ARSB: variants seen among roughly 807,000 people sequenced by gnomAD.
ARSB encodes arylsulfatase B, also known as N-acetylgalactosamine-4-sulfatase.
A neutral mutation model predicts 50.9 loss-of-function variants in ARSB; 41 were observed. The observed-to-expected ratio is 0.81, with a 90% confidence interval of 0.63 to 1.04. The LOEUF (loss-of-function observed/expected upper bound fraction) is 1.04, where lower values mean the gene tolerates loss of function less well. ARSB is among the 50% of genes least tolerant of loss of function. ARSB has a pLI of 0.00. For synonymous variants in ARSB, 269 were observed against 284.8 expected (o/e 0.94, Z 0.56); for missense variants, 672 against 693.3 (o/e 0.97, Z 0.35).
chr5:78,974,880 T>C (rs1349834214), intron 1 of ARSB, among the ~76,000 whole-genome samples: 1 of 152,188 alleles, frequency 6.6e-6, no homozygotes, highest in Non-Finnish European at 1.5e-5. Context: ...TGCTGTGCTT[T>C]AGTGAGGCCA....
chr5:78,786,332 T>A (rs1014875168), intron 6 of ARSB, among the ~76,000 whole-genome samples: 1 of 152,254 alleles, frequency 6.6e-6, no homozygotes, highest in Non-Finnish European at 1.5e-5. Context: ...CAGTACTTCA[T>A]TCTTTTTAAA....
chr5:78,839,273 G>T, intron 6 of ARSB, 83 bp downstream of exon 6: 2 of 1,334,968 alleles, frequency 1.5e-6, no homozygotes, highest in Non-Finnish European at 2.2e-6. Context: ...AAAAGAGAAA[G>T]CTAGGCTAGA....
chr5:78,791,680 G>T (rs1409790535), intron 6 of ARSB, among the ~76,000 whole-genome samples: 1 of 152,238 alleles, frequency 6.6e-6, no homozygotes, highest in Non-Finnish European at 1.5e-5. Flanking sequence ...TGTGGTAAGG[G>T]CTTACATATC....
chr5:78,918,549 G>GCACACA (rs71001139), intron 4 of ARSB, among the ~76,000 whole-genome samples: 5 of 150,006 alleles, frequency 3.3e-5, no homozygotes, highest in African/African-American at 9.8e-5. Flanking sequence ...AATATCATGT[G>GCACACA]CACACACACA....
intron 6 of ARSB, among the ~76,000 whole-genome samples, chr5:78,803,772 G>A (rs1743474896): frequency 6.6e-6 from 1 of 152,262 alleles, no homozygotes; most frequent in Non-Finnish European, 1.5e-5. Context: ...ATGGGATATA[G>A]TAATGTATTC....
intron 5 of ARSB, among the ~76,000 whole-genome samples, chr5:78,844,675 C>G (rs1340211927): frequency 2.6e-5 from 4 of 152,042 alleles, no homozygotes; most frequent in Non-Finnish European, 5.9e-5. Context: ...ACATTTAGGT[C>G]TATGATCCAT....
chr5:78,887,263 G>A (rs1748082317), intron 4 of ARSB, among the ~76,000 whole-genome samples: 1 of 152,286 alleles, frequency 6.6e-6, no homozygotes, highest in South Asian at 2.1e-4. Context: ...GCAGAGAAGT[G>A]GAAGGAGAGG....
intron 6 of ARSB, 45 bp from the exon 7 acceptor site, chr5:78,782,019 C>T (rs751469522): frequency 2.3e-5 from 37 of 1,612,978 alleles, no homozygotes; most frequent in East Asian, 1.8e-4. Context: ...GTTATTGGAA[C>T]GTGTTGTTAT....
chr5:78,852,115 G>T (rs541087960), intron 5 of ARSB, among the ~76,000 whole-genome samples: 5 of 152,286 alleles, frequency 3.3e-5, no homozygotes, highest in Admixed American at 2.0e-4. Flanking sequence ...GATATTAGCT[G>T]GTTATTTTGC....
intron 1 of ARSB, among the ~76,000 whole-genome samples, chr5:78,972,546 C>A (rs1354941907): frequency 1.1e-4 from 16 of 152,006 alleles, no homozygotes; most frequent in Non-Finnish European, 4.4e-5. Flanking sequence ...CACACACACC[C>A]CAAATCAAAG....
At chr5:78,925,547 T>C (rs1425367318) in intron 4 of ARSB, among the ~76,000 whole-genome samples, 2 of 147,024 alleles carry the variant, frequency 1.4e-5, no homozygotes, top group Non-Finnish European at 3.1e-5. Flanking sequence ...TACAGTTCTA[T>C]AAATTTTTAT....
chr5:78,877,689 T>C (rs981254608), intron 5 of ARSB, among the ~76,000 whole-genome samples: 2 of 152,120 alleles, frequency 1.3e-5, no homozygotes, highest in African/African-American at 2.4e-5. Context: ...ACACCCTGCC[T>C]AGCTAGAAGC....
intron 5 of ARSB, among the ~76,000 whole-genome samples, chr5:78,871,419 T>C (rs1747167227): frequency 6.6e-6 from 1 of 151,224 alleles, no homozygotes; most frequent in Non-Finnish European, 1.5e-5. Context: ...CAAACTATAC[T>C]ACAAGGCTTC....
intron 4 of ARSB, among the ~76,000 whole-genome samples, chr5:78,891,093 C>T (rs956744384): frequency 4.6e-5 from 7 of 152,172 alleles, no homozygotes; most frequent in African/African-American, 1.4e-4. Flanking sequence ...AGCACAGGAC[C>T]TACCACACAG....
chr5:78,883,295 T>C (rs920075904), intron 5 of ARSB: 15 of 152,336 alleles, frequency 9.8e-5, no homozygotes, highest in African/African-American at 3.6e-4. Context: ...AAGGTTTTAC[T>C]GCTTTGCTTC....
At chr5:78,946,741 A>G (rs1751252476) in intron 4 of ARSB, among the ~76,000 whole-genome samples, 1 of 152,210 alleles carries the variant, frequency 6.6e-6, no homozygotes, top group Admixed American at 6.5e-5. Flanking sequence ...CCCTATCAAA[A>G]TACCAAAGAC....
At chr5:78,883,864 T>G (rs965562947) in intron 5 of ARSB, 5 of 152,168 alleles carry the variant, frequency 3.3e-5, no homozygotes, top group South Asian at 2.1e-4. Flanking sequence ...AAAACTAATC[T>G]TAGGCTGCTG....
At chr5:78,907,616 A>C (rs1168497543) in intron 4 of ARSB, among the ~76,000 whole-genome samples, 2 of 152,212 alleles carry the variant, frequency 1.3e-5, no homozygotes, top group African/African-American at 4.8e-5. Context: ...ATGCTAGGAC[A>C]GTATCTATTA....
chr5:78,978,537 C>T (rs974786593), intron 1 of ARSB, among the ~76,000 whole-genome samples: 12 of 151,482 alleles, frequency 7.9e-5, no homozygotes, highest in African/African-American at 2.7e-4. Context: ...TGCAAGGGGC[C>T]GAGAATAGCC....
Sources: gnomAD v4.1 joint callset for allele counts (sites outside exome capture counted in the v4.1 genomes callset) on GRCh38, gnomAD v4.1.1 for gene constraint, MANE v1.5 for transcripts, NCBI Gene and HGNC (gene_info 2026-07-23, HGNC 2026-07-21) for gene names.